PSD2: variants seen among roughly 807,000 people sequenced by gnomAD.
The protein encoded by PSD2 is pleckstrin and Sec7 domain containing 2.
A neutral mutation model predicts 69.8 loss-of-function variants in PSD2; 38 were observed. The observed-to-expected ratio is 0.54, with a 90% CI of 0.42 to 0.71. PSD2 has a LOEUF of 0.71. Among genes scored for constraint, PSD2 ranks in the 30% least tolerant of loss-of-function variants. PSD2 has a pLI of 0.00. For missense variants in PSD2, 943 were observed against 1,014.5 expected, an observed-to-expected ratio of 0.93 and a Z score of 0.96; for synonymous variants, 412 against 423.0, an observed-to-expected ratio of 0.97 and a Z score of 0.32.
the PSD2 span, among the ~76,000 whole-genome samples, chr5:139,758,328 A>G: frequency 6.6e-6 from 1 of 152,108 alleles, no homozygotes; most frequent in Admixed American, 6.5e-5. Context: ...AGGGCTGGGG[A>G]CAGGAAGTAC....
chr5:139,813,932 G>C (rs1294531880), intron 3 of PSD2, among the ~76,000 whole-genome samples, 174 bp downstream of exon 3: 1 of 152,210 alleles, frequency 6.6e-6, no homozygotes, highest in Non-Finnish European at 1.5e-5. Context: ...GTTTCATTCT[G>C]CTCTTCCAGG....
chr5:139,833,680 C>A, intron 7 of PSD2, 22 bp from the exon 8 acceptor site: 2 of 1,588,250 alleles, frequency 1.3e-6, no homozygotes, highest in Non-Finnish European at 1.7e-6. Flanking sequence ...TACTCTTAGG[C>A]AGAACCATTT....
chr5:139,784,689 C>T, the PSD2 span, among the ~76,000 whole-genome samples: 1 of 152,170 alleles, frequency 6.6e-6, no homozygotes, highest in African/African-American at 2.4e-5. Flanking sequence ...ATTCCCACCC[C>T]AGGGCCTTTG....
chr5:139,758,074 A>G, the PSD2 span, among the ~76,000 whole-genome samples: 1 of 152,070 alleles, frequency 6.6e-6, no homozygotes, highest in African/African-American at 2.4e-5. Context: ...AAAAAACCAA[A>G]TGGTTTCTTA....
At chr5:139,770,019 T>C in the PSD2 span, among the ~76,000 whole-genome samples, 2 of 152,268 alleles carry the variant, frequency 1.3e-5, no homozygotes, top group Non-Finnish European at 2.9e-5. Context: ...CACAGAGAGG[T>C]AGAACCTGGG....
chr5:139,764,359 G>A, the PSD2 span, among the ~76,000 whole-genome samples: 1 of 152,194 alleles, frequency 6.6e-6, no homozygotes, highest in African/African-American at 2.4e-5. Context: ...CTGCAGTTCC[G>A]CCTGGGCTGC....
rs778796105 is a variant in PSD2 at position 139,821,943 on chromosome 5, G to A, written c.1148G>A (p.Arg383Gln). The part of the protein sequence containing the change: ...PLMGETQERE[R>Q]VLTHFSRRYC... Reference sequence around the variant, plus strand: ...ATGGGGGAGACACAAGAGCGTGAGCGGGTCCTCACACACTTCTCCCGCCGG... The same window carrying A: ...ATGGGGGAGACACAAGAGCGTGAGCAGGTCCTCACACACTTCTCCCGCCGG... The change falls in exon 6 of 15, where the codon CGG becomes CAG. Residue 383 changes from arginine (R) to glutamine (Q), a missense_variant. Arg to Gln is a conservative substitution (Grantham distance 43, BLOSUM62 1). Transcript: ENST00000274710. 5.6e-6 allele frequency: 9 copies of A among 1,610,660 alleles called. No homozygotes were observed. The highest frequency in any genetic ancestry group is 3.4e-5 in the Admixed American group (2 of 59,654).
chr5:139,804,970 TGTGCGTGC>T (rs1759764107), intron 1 of PSD2, among the ~76,000 whole-genome samples: 1 of 151,380 alleles, frequency 6.6e-6, no homozygotes, highest in South Asian at 2.1e-4. Flanking sequence ...TGTGTGCGTG[TGTGCGTGC>T]GTGTGTGCAT....
At chr5:139,756,698 G>T in the PSD2 span, among the ~76,000 whole-genome samples, 1 of 152,184 alleles carries the variant, frequency 6.6e-6, no homozygotes. Flanking sequence ...TGTCTTACAA[G>T]GGTTAGGAGC....
At chr5:139,831,713 T>C (rs1208749396) in intron 7 of PSD2, among the ~76,000 whole-genome samples, 1 of 152,262 alleles carries the variant, frequency 6.6e-6, no homozygotes, top group African/African-American at 2.4e-5. Context: ...CTCTATATTT[T>C]ATTCCCTGGG....
At chr5:139,744,324 C>T in the PSD2 span, among the ~76,000 whole-genome samples, 1 of 152,282 alleles carries the variant, frequency 6.6e-6, no homozygotes, top group South Asian at 2.1e-4. Flanking sequence ...CTCCACTCCT[C>T]CAATCCTTCC....
chr5:139,783,215 GC>G, the PSD2 span, among the ~76,000 whole-genome samples: 50 of 152,250 alleles, frequency 3.3e-4, no homozygotes, highest in African/African-American at 1.2e-3. Flanking sequence ...TGGGAGGATC[GC>G]TTGAGCCCAG....
At chr5:139,781,570 C>CGT in the PSD2 span, among the ~76,000 whole-genome samples, 1 of 151,854 alleles carries the variant, frequency 6.6e-6, no homozygotes, top group African/African-American at 2.4e-5. Context: ...CTTCTGACCT[C>CGT]GTGATCCACC....
chr5:139,797,099 C>T (rs983801152), intron 1 of PSD2, among the ~76,000 whole-genome samples: 1 of 152,208 alleles, frequency 6.6e-6, no homozygotes, highest in African/African-American at 2.4e-5. Flanking sequence ...GTCGTTCTTT[C>T]ATTCTTCCAC....
Position 139,822,426 on chromosome 5 carries a change from G to A in PSD2, c.1211-300G>A, listed in dbSNP as rs547652256. Among the ~76,000 whole-genome samples the A allele has an allele frequency of 3.3e-5, 5 of 152,346 alleles. No individual in the cohort carries two copies. The East Asian group carries it at 9.6e-4, about 29-fold the overall frequency. ...TGGGAGAGACACAGGTCAATGCAGG[G>A]GCAGGGCTGGGAGCTCAGAGCTATT... On this transcript the variant is annotated intron_variant, in intron 6 of 14. Coordinates refer to ENST00000274710, the MANE Select transcript of PSD2 (RefSeq NM_032289.4).
At chr5:139,816,369 G>T (rs946053438) in intron 4 of PSD2, among the ~76,000 whole-genome samples, 1 of 152,078 alleles carries the variant, frequency 6.6e-6, no homozygotes, top group Non-Finnish European at 1.5e-5. Context: ...ATTCAAACAG[G>T]GTCCACACAT....
At chr5:139,763,701 T>C in the PSD2 span, among the ~76,000 whole-genome samples, 1 of 152,260 alleles carries the variant, frequency 6.6e-6, no homozygotes, top group Non-Finnish European at 1.5e-5. Flanking sequence ...GCCTCCAGGA[T>C]TGGCCTCCAA....
chr5:139,782,687 T>C, the PSD2 span, among the ~76,000 whole-genome samples: 13 of 151,824 alleles, frequency 8.6e-5, no homozygotes, highest in African/African-American at 2.7e-4. Context: ...TAGACAGGGT[T>C]TCACCGTGTT....
the PSD2 span, among the ~76,000 whole-genome samples, chr5:139,773,590 G>A: frequency 3.3e-5 from 5 of 152,084 alleles, no homozygotes; most frequent in Admixed American, 2.0e-4. Context: ...TACCATATTT[G>A]TCCTTCTGTG....
Sources: allele counts gnomAD v4.1 joint callset (sites outside exome capture counted in the v4.1 genomes callset), GRCh38; gene constraint gnomAD v4.1.1; transcripts MANE v1.5; gene names NCBI Gene and HGNC (gene_info 2026-07-23, HGNC 2026-07-21).